Variants in OR5A2 observed in about 807,000 individuals in gnomAD.
OR5A2 encodes the protein olfactory receptor family 5 subfamily A member 2, also known as olfactory receptor 5A2.
For synonymous variants in OR5A2, 155 were observed against 151.1 expected, an observed-to-expected ratio of 1.03 and a Z score of -0.19; for missense variants, 406 against 398.9, an observed-to-expected ratio of 1.02 and a Z score of -0.15.
At position 59,417,255 on chromosome 11, in the gene OR5A2, G is replaced by C. The variant is rs1858167359; in HGVS notation, c.*4724C>G. The C allele has an allele frequency of 6.6e-6, 1 of 152,038 alleles. No individual in the cohort carries two copies. The highest frequency in any genetic ancestry group is 6.6e-5 in the Admixed American group (1 of 15,242). 9.4% of individuals were successfully genotyped at this position (152,038 alleles called of 1,614,324 possible). On this transcript the variant is annotated 3_prime_UTR_variant, in exon 2 of 2. Transcript: ENST00000302040. ...CTAGATACTGCCAGCCATTTGGTCTGGCAATTCTGAAGAGAGATGCTGCTA... is the reference window on the plus strand; with the variant it reads ...CTAGATACTGCCAGCCATTTGGTCTCGCAATTCTGAAGAGAGATGCTGCTA...
rs1266638265 is a variant in OR5A2, at chr11:59,418,279, C to T, written c.*3700G>A. On this transcript the variant is annotated 3_prime_UTR_variant, in exon 2 of 2. Coordinates refer to ENST00000302040, the MANE Select transcript of OR5A2 (RefSeq NM_001001954.2). The stretch of plus-strand genomic sequence containing the variant: ...GTAATTTGTCTTTCTATATGGCTTC[C>T]TGACAGATGGATAATTGTGCCACTG... The T allele has an allele frequency of 6.6e-6, 1 of 152,108 alleles. No individual in the cohort carries two copies. The highest frequency in any genetic ancestry group is 1.5e-5 in the Non-Finnish European group (1 of 67,998). 9.4% of individuals were successfully genotyped at this position (152,108 alleles called of 1,614,324 possible). A position where few individuals can be genotyped will look rare whatever the true frequency, so the allele number is the denominator to read the frequency against.
Position 59,422,567 on chromosome 11 carries a change from G to C in OR5A2, c.387C>G (p.Asn129Lys). ...ATATGAGGACTGTGTAAAGCAAGGG[G>C]TTGCAGATTGCAGCATACCGGTCAT... ...MAYDRYAAIC[N>K]PLLYTVLISH... Residue 129 changes from asparagine (N) to lysine (K), a missense_variant, in exon 2 of 2, where the codon AAC becomes AAG. Asn to Lys is a moderately conservative substitution (Grantham distance 94). Coordinates refer to ENST00000302040, the MANE Select transcript of OR5A2 (RefSeq NM_001001954.2). 6.2e-7 allele frequency: 1 copy of C among 1,614,202 alleles called. No homozygotes were observed. Among genetic ancestry groups the C allele is most frequent in the Non-Finnish European group, 8.5e-7 (1 of 1,180,040 alleles).
chr11:59,422,343 C>G lies in OR5A2; in HGVS notation c.611G>C (p.Ser204Thr), dbSNP rs147011966. The change falls in exon 2 of 2, where the codon AGT (serine) becomes ACT (threonine). Residue 204 changes from serine (S) to threonine (T), a missense_variant. By Grantham distance (58) the Ser-to-Thr change is moderately conservative. Transcript: ENST00000302040. ...FTSEVVTFIV[S>T]VVVGIVSVLV... Reference sequence around the variant, plus strand: ...CACAGACACTATTCCAACGACAACACTGACTATGAAGGTCACCACCTCGCT... The same window carrying G: ...CACAGACACTATTCCAACGACAACAGTGACTATGAAGGTCACCACCTCGCT... The G allele has an allele frequency of 1.0e-4, 163 of 1,614,110 alleles. No homozygotes were observed. In the East Asian group the frequency reaches 2.7e-3, roughly 27 times the overall value.
chr11:59,420,529 T>C lies in OR5A2; in HGVS notation c.*1450A>G, dbSNP rs971228014. 1 of 152,124 alleles carries C rather than the reference T, an allele frequency of 6.6e-6. No homozygotes were observed. The highest frequency in any genetic ancestry group is 2.4e-5 in the African/African-American group (1 of 41,434). The allele number at this position is 152,124 out of a possible 1,614,324, so 9.4% of individuals were successfully genotyped here. A position where few individuals can be genotyped will look rare whatever the true frequency, so the allele number is the denominator to read the frequency against. ...TACTGACTCATTTAATTCTTCACAA[T>C]AGTCCTAGGATAAAATTACTATTAT... On this transcript the variant is annotated 3_prime_UTR_variant, in exon 2 of 2. Coordinates refer to ENST00000302040, the MANE Select transcript of OR5A2 (RefSeq NM_001001954.2).
chr11:59,425,029 A>C (rs1858278796), intron 1 of OR5A2: 1 of 152,152 alleles, frequency 6.6e-6, no homozygotes, highest in Admixed American at 6.5e-5. Flanking sequence ...CCTTGTAACC[A>C]CCCAATGGGT....
At position 59,421,615 on chromosome 11, in the gene OR5A2, A is replaced by T. The variant is rs532725221; in HGVS notation, c.*364T>A. ...GGCAACTGTGTTTAGAAAAAACATC[A>T]TCCTCTTCAGGTCATTATACCATGT... On this transcript the variant is annotated 3_prime_UTR_variant, in exon 2 of 2. Coordinates refer to ENST00000302040, the MANE Select transcript of OR5A2 (RefSeq NM_001001954.2). 20 of 174,338 alleles carry T rather than the reference A, an allele frequency of 1.1e-4. No homozygotes were observed. The highest frequency in any genetic ancestry group is 1.7e-4 in the Non-Finnish European group (14 of 80,892). 10.8% of individuals were successfully genotyped at this position (174,338 alleles called of 1,614,324 possible).
At position 59,418,330 on chromosome 11, in the gene OR5A2, G is replaced by C. The variant is rs527458625; in HGVS notation, c.*3649C>G. The C allele has an allele frequency of 8.3e-4, 127 of 152,240 alleles. 1 individual carries two copies. Among genetic ancestry groups the C allele is most frequent in the African/African-American group, 2.9e-3 (122 of 41,572 alleles). 9.4% of individuals were successfully genotyped at this position (152,240 alleles called of 1,614,324 possible). A position where few individuals can be genotyped will look rare whatever the true frequency, so the allele number is the denominator to read the frequency against. The stretch of plus-strand genomic sequence containing the variant: ...GCGTAAGTTCAAGCTTGGCAGCTTT[G>C]TTCTTCACTGAAAATTAAATCTGTC... On this transcript the variant is annotated 3_prime_UTR_variant, in exon 2 of 2. Transcript: ENST00000302040.
rs980403055 is a variant in OR5A2 at position 59,421,307 on chromosome 11, C to A, written c.*672G>T. ...GAACTCACTATCATGAATACAACAC[C>A]AACCCATGAGAGATCCACCCCCATA... On this transcript the variant is annotated 3_prime_UTR_variant, in exon 2 of 2. Transcript: ENST00000302040. 2 of 152,136 alleles carry A rather than the reference C, an allele frequency of 1.3e-5. No individual in the cohort carries two copies. The highest frequency in any genetic ancestry group is 2.9e-5 in the Non-Finnish European group (2 of 68,064). 9.4% of individuals were successfully genotyped at this position (152,136 alleles called of 1,614,324 possible).
Position 59,426,316 on chromosome 11 carries a change from T to C in OR5A2, c.-237A>G, listed in dbSNP as rs375003397. 18 of 152,350 alleles carry C rather than the reference T, an allele frequency of 1.2e-4. No individual in the cohort carries two copies. Among genetic ancestry groups the C allele is most frequent in the African/African-American group, 4.3e-4 (18 of 41,582 alleles). 9.4% of individuals were successfully genotyped at this position (152,350 alleles called of 1,614,324 possible). On this transcript the variant is annotated 5_prime_UTR_variant, in exon 1 of 2. In the 5' UTR this introduces an upstream ATG that the reference lacks. Coordinates refer to ENST00000302040, the MANE Select transcript of OR5A2 (RefSeq NM_001001954.2). Reference sequence around the variant, plus strand: ...CTGGTTTCTCGTTCCATCAATTTCTTATGCTTTGGCCTCATGTAAATAGTA... The same window carrying C: ...CTGGTTTCTCGTTCCATCAATTTCTCATGCTTTGGCCTCATGTAAATAGTA...
chr11:59,420,228 C>G lies in OR5A2; in HGVS notation c.*1751G>C, dbSNP rs1858205894. On this transcript the variant is annotated 3_prime_UTR_variant, in exon 2 of 2. Transcript: ENST00000302040. ...AACAGAGTTTCTAAATAACTTGGAT[C>G]AGGCTATGTACCTACAAAATGGCAG... 1 of 152,074 alleles carries G rather than the reference C, an allele frequency of 6.6e-6. No individual in the cohort carries two copies. Among genetic ancestry groups the G allele is most frequent in the African/African-American group, 2.4e-5 (1 of 41,426 alleles). The allele number at this position is 152,074 out of a possible 1,614,324, so 9.4% of individuals were successfully genotyped here. A position where few individuals can be genotyped will look rare whatever the true frequency, so the allele number is the denominator to read the frequency against.
chr11:59,425,435 A>G (rs1312219465), intron 1 of OR5A2: 1 of 152,100 alleles, frequency 6.6e-6, no homozygotes, highest in African/African-American at 2.4e-5. Context: ...CCCCGGGGCC[A>G]ATTTGGGAAG....
At chr11:59,425,663 TA>T (rs1858293500) in intron 1 of OR5A2, 1 of 152,130 alleles carries the variant, frequency 6.6e-6, no homozygotes, top group Non-Finnish European at 1.5e-5. Flanking sequence ...AAAGACAGCT[TA>T]AAGATTAGAA....
chr11:59,421,457 T>C lies in OR5A2; in HGVS notation c.*522A>G, dbSNP rs1858219068. On this transcript the variant is annotated 3_prime_UTR_variant, in exon 2 of 2. Coordinates refer to ENST00000302040, the MANE Select transcript of OR5A2 (RefSeq NM_001001954.2). Reference sequence around the variant, plus strand: ...AAATCAGAATTATTGCCTTAATGCCTCTAAAGAGTATGAAAACTCTCCCAT... The same window carrying C: ...AAATCAGAATTATTGCCTTAATGCCCCTAAAGAGTATGAAAACTCTCCCAT... 6.5e-6 allele frequency: 1 copy of C among 153,604 alleles called. No individual in the cohort carries two copies. The highest frequency in any genetic ancestry group is 1.4e-5 in the Non-Finnish European group (1 of 69,016). The allele number at this position is 153,604 out of a possible 1,614,324, so 9.5% of individuals were successfully genotyped here. A position where few individuals can be genotyped will look rare whatever the true frequency, so the allele number is the denominator to read the frequency against.
Position 59,421,712 on chromosome 11 carries a change from ACT to A in OR5A2, c.*265_*266del. 2.6e-6 allele frequency: 1 copy of A among 379,340 alleles called. No individual in the cohort carries two copies. The allele number at this position is 379,340 out of a possible 1,614,324, so 23.5% of individuals were successfully genotyped here. ...GATGACTTTCCTCCTATACATACAAACTCTGTTTTAACATTCCAGGATGTTTT... is the reference window on the plus strand; with the variant it reads ...GATGACTTTCCTCCTATACATACAAACTGTTTTAACATTCCAGGATGTTTT... On this transcript the variant is annotated 3_prime_UTR_variant, in exon 2 of 2. Transcript: ENST00000302040.
In OR5A2 at chr11:59,418,221, G is replaced by A. The variant is rs1303112014; in HGVS notation, c.*3758C>T. 6.6e-6 allele frequency: 1 copy of A among 152,100 alleles called. No homozygotes were observed. The highest frequency in any genetic ancestry group is 2.4e-5 in the African/African-American group (1 of 41,440). 9.4% of individuals were successfully genotyped at this position (152,100 alleles called of 1,614,324 possible). A position where few individuals can be genotyped will look rare whatever the true frequency, so the allele number is the denominator to read the frequency against. ...ACTGATCCACTTTATCAGCTTTGCT[G>A]TGATCCCTTTCTCTCCAAATAGACT... On this transcript the variant is annotated 3_prime_UTR_variant, in exon 2 of 2. Coordinates refer to ENST00000302040, the MANE Select transcript of OR5A2 (RefSeq NM_001001954.2).
Position 59,423,037 on chromosome 11 carries a change from G to T in OR5A2, c.-84C>A. On this transcript the variant is annotated 5_prime_UTR_variant, in exon 2 of 2. Coordinates refer to ENST00000302040, the MANE Select transcript of OR5A2 (RefSeq NM_001001954.2). ...GATTTTGTTTGTTATTGTAAGAGTG[G>T]GTATTTCCTAGAAGATCATACAAAC... The T allele has an allele frequency of 7.5e-7, 1 of 1,337,072 alleles. No individual in the cohort carries two copies. The highest frequency in any genetic ancestry group is 2.1e-5 in the Admixed American group (1 of 46,538). 82.8% of individuals were successfully genotyped at this position (1,337,072 alleles called of 1,614,324 possible).
chr11:59,422,232 G>T lies in OR5A2; in HGVS notation c.722C>A (p.Thr241Asn), dbSNP rs771096502. 2 of 1,614,152 alleles carry T rather than the reference G, an allele frequency of 1.2e-6. No homozygotes were observed. Among genetic ancestry groups the T allele is most frequent in the Non-Finnish European group, 1.7e-6 (2 of 1,180,010 alleles). ...CACAGCAGTCAGGTGAGAGGCACAA[G>T]TGCTGAAGGCCTTTGTCCTACCTGT... Reference protein sequence around the residue: ...SATGRTKAFSTCASHLTAVTL... With the variant: ...SATGRTKAFSNCASHLTAVTL... The change falls in exon 2 of 2, where the codon ACT (threonine) becomes AAT (asparagine). Residue 241 changes from threonine (T) to asparagine (N), a missense_variant. Thr to Asn is a moderately conservative substitution (Grantham distance 65). Coordinates refer to ENST00000302040, the MANE Select transcript of OR5A2 (RefSeq NM_001001954.2).
intron 1 of OR5A2, chr11:59,424,938 T>C (rs1858277528): frequency 6.6e-6 from 1 of 152,226 alleles, no homozygotes; most frequent in Non-Finnish European, 1.5e-5. Context: ...GTATCTCTTA[T>C]CTTGGTGAAA....
intron 1 of OR5A2, chr11:59,425,250 G>C (rs545175429): frequency 1.3e-5 from 2 of 152,312 alleles, no homozygotes; most frequent in South Asian, 4.2e-4. Context: ...GGTTAGGCTG[G>C]AGATGGAATC....
Sources: allele counts gnomAD v4.1 joint callset, GRCh38; gene constraint gnomAD v4.1.1; transcripts MANE v1.5; gene names NCBI Gene and HGNC (gene_info 2026-07-23, HGNC 2026-07-21).